NEK6: variants seen among roughly 807,000 people sequenced by gnomAD.
NEK6 encodes the protein serine/threonine-protein kinase Nek6.
NEK6 carries 27 observed loss-of-function variants against 43.5 expected under a neutral mutation model. The ratio of observed to expected loss-of-function variants is 0.62; its 90% CI spans 0.46 to 0.86. The LOEUF is 0.86. NEK6 is among the 40% of genes least tolerant of loss of function. The pLI, the probability that NEK6 is intolerant of heterozygous loss-of-function variation, is 0.00. For missense variants in NEK6, 318 were observed against 414.4 expected, an observed-to-expected ratio of 0.77 and a Z score of 2.02; for synonymous variants, 167 against 164.1, an observed-to-expected ratio of 1.02 and a Z score of -0.14.
At position 124,275,470 on chromosome 9, in the gene NEK6, C is replaced by T. The variant is rs986159220; in HGVS notation, c.-30+17385C>T. On this transcript the variant is annotated intron_variant, in intron 1 of 9. Transcript: ENST00000320246. The surrounding 1 kb of genome is among the most constrained non-coding windows in gnomAD (Gnocchi z 4.4). Reference sequence around the variant, plus strand: ...GCTCCAGCTGCCTGCCCCCGCCTGCCGGGCCCTGTCCTCTGCCAGGCGGAG... The same window carrying T: ...GCTCCAGCTGCCTGCCCCCGCCTGCTGGGCCCTGTCCTCTGCCAGGCGGAG... Among the ~76,000 whole-genome samples the T allele has an allele frequency of 1.2e-4, 18 of 152,208 alleles. No individual in the cohort carries two copies. Among genetic ancestry groups the T allele is most frequent in the African/African-American group, 2.9e-4 (12 of 41,442 alleles).
intron 9 of NEK6, among the ~76,000 whole-genome samples, chr9:124,348,664 C>T (rs1015802384): frequency 2.6e-5 from 4 of 152,192 alleles, no homozygotes; most frequent in Non-Finnish European, 4.4e-5. Flanking sequence ...CACCACCATC[C>T]AAAGTGGCCA....
chr9:124,346,283 GA>G (rs927458441), intron 8 of NEK6, among the ~76,000 whole-genome samples: 5 of 152,190 alleles, frequency 3.3e-5, no homozygotes, highest in African/African-American at 1.2e-4. Context: ...ACGCCCTCCT[GA>G]AGGAGGCAGG....
At chr9:124,337,976 TG>T (rs1158113415) in intron 7 of NEK6, among the ~76,000 whole-genome samples, 4 of 152,230 alleles carry the variant, frequency 2.6e-5, no homozygotes, top group African/African-American at 4.8e-5. Flanking sequence ...TGTGTTTTTT[TG>T]GTTTTGTTTT....
At chr9:124,279,502 C>T (rs1831802126) in intron 1 of NEK6, among the ~76,000 whole-genome samples, 1 of 152,164 alleles carries the variant, frequency 6.6e-6, no homozygotes, top group Non-Finnish European at 1.5e-5. Context: ...GGGGTTTCAC[C>T]ATGTTGGCCA....
chr9:124,321,543 G>A lies in NEK6; in HGVS notation c.379G>A (p.Ala127Thr), dbSNP rs1417581726. 3 of 1,613,220 alleles carry A rather than the reference G, an allele frequency of 1.9e-6. No homozygotes were observed. Among genetic ancestry groups the A allele is most frequent in the Non-Finnish European group, 2.5e-6 (3 of 1,179,142 alleles). ...GAACATTGTGCTGGAGTTGGCTGAC[G>A]CAGGGGACCTCTCGCAGATGATCAA... ...ELNIVLELAD[A>T]GDLSQMIKYF... The change falls in exon 5 of 10, where the codon GCA becomes ACA. Residue 127 changes from alanine to threonine, a missense_variant. By Grantham distance (58) the Ala-to-Thr change is moderately conservative (BLOSUM62 0). Coordinates refer to ENST00000320246, the MANE Select transcript of NEK6 (RefSeq NM_014397.6).
At chr9:124,331,651 G>A (rs1306167228) in intron 7 of NEK6, among the ~76,000 whole-genome samples, 2 of 152,228 alleles carry the variant, frequency 1.3e-5, no homozygotes, top group African/African-American at 2.4e-5. Context: ...GGGCCCCACA[G>A]GGAAGGACAG....
intron 9 of NEK6, 91 bp from the exon 10 acceptor site, chr9:124,350,746 G>C (rs1830224333): frequency 1.2e-6 from 1 of 868,436 alleles, no homozygotes. Flanking sequence ...TTGCTCTGAG[G>C]ATGAAGTGCC....
chr9:124,272,729 A>G (rs951538691), intron 1 of NEK6, among the ~76,000 whole-genome samples: 1 of 152,166 alleles, frequency 6.6e-6, no homozygotes, highest in Non-Finnish European at 1.5e-5. Context: ...CCCTGGTCAC[A>G]TGTGATCGCA....
rs1445510195 is a variant in NEK6, at chr9:124,324,020, C to T, written c.406-2310C>T. 6.6e-6 allele frequency among the ~76,000 whole-genome samples: 1 copy of T among 152,108 alleles called. No homozygotes were observed. Among genetic ancestry groups the T allele is most frequent in the Non-Finnish European group, 1.5e-5 (1 of 67,998 alleles). On this transcript the variant is annotated intron_variant, in intron 5 of 9. Transcript: ENST00000320246. This position sits in a 1 kb window ranked among gnomAD's most constrained non-coding sequence, Gnocchi z 5.3. ...TCACCTGGCATGGTTCCCCCTCCCA[C>T]AGTCCCCACCTCTCTCCCCCCACTG... is the stretch of plus-strand genomic sequence containing the variant.
intron 8 of NEK6, among the ~76,000 whole-genome samples, 197 bp from the exon 9 acceptor site, chr9:124,347,512 G>A (rs1829999136): frequency 6.6e-6 from 1 of 152,218 alleles, no homozygotes; most frequent in African/African-American, 2.4e-5. Context: ...TCCAGTGACA[G>A]AATCAGGGTA....
At chr9:124,293,080 G>T in intron 1 of NEK6, 1 of 1,414,516 alleles carries the variant, frequency 7.1e-7, no homozygotes, top group Non-Finnish European at 9.3e-7. Context: ...AGCGGGCCTG[G>T]GACTCCTAGA....
rs1830305881 is a variant in NEK6 at position 124,352,126 on chromosome 9, T to A, written c.*1179T>A. 6.5e-6 allele frequency: 1 copy of A among 152,698 alleles called. No individual in the cohort carries two copies. Among genetic ancestry groups the A allele is most frequent in the South Asian group, 2.1e-4 (1 of 4,836 alleles). The allele number at this position is 152,698 out of a possible 1,614,324, so 9.5% of individuals were successfully genotyped here. ...GGAAATCATTTGAATTTTGTTTTTG[T>A]ACGTAAAGTTAACCTTCCAATTGTC... On this transcript the variant is annotated 3_prime_UTR_variant, in exon 10 of 10. Transcript: ENST00000320246.
intron 1 of NEK6, among the ~76,000 whole-genome samples, chr9:124,295,264 C>T (rs958507940): frequency 4.6e-5 from 7 of 152,296 alleles, no homozygotes; most frequent in Middle Eastern, 6.8e-3. Context: ...AGAGCTGGGG[C>T]GAGCGTGAGG....
intron 5 of NEK6, among the ~76,000 whole-genome samples, chr9:124,323,369 C>G (rs1208951712): frequency 6.6e-6 from 1 of 152,188 alleles, no homozygotes; most frequent in Non-Finnish European, 1.5e-5. Context: ...TTGCTCCAGG[C>G]TCGGGGTCCA....
intron 1 of NEK6, among the ~76,000 whole-genome samples, chr9:124,283,971 G>A (rs555788100): frequency 6.6e-6 from 1 of 152,266 alleles, no homozygotes; most frequent in African/African-American, 2.4e-5. Flanking sequence ...CCCAGCACTT[G>A]TGTGTCCATT....
upstream of NEK6, chr9:124,257,701 G>C: frequency 6.5e-7 from 1 of 1,533,674 alleles, no homozygotes; most frequent in Non-Finnish European, 8.7e-7. Flanking sequence ...GAGAAGATGG[G>C]GAGACGCCGG....
At chr9:124,297,611 C>T (rs779766458) in intron 1 of NEK6, among the ~76,000 whole-genome samples, 1 of 152,226 alleles carries the variant, frequency 6.6e-6, no homozygotes, top group East Asian at 1.9e-4. Flanking sequence ...ATGTAGGGCC[C>T]TTGCTTGAGG....
At position 124,349,956 on chromosome 9, in the gene NEK6, AG is replaced by A. The variant is rs113620064; in HGVS notation, c.832-879del. ...TCAGCTGAGAGGAGCCCTAGTCTAC[AG>A]GAAGCCCAGGCCCCATCCCTCAGCC... is the stretch of plus-strand genomic sequence containing the variant. On this transcript the variant is annotated intron_variant, in intron 9 of 9. Coordinates refer to ENST00000320246, the MANE Select transcript of NEK6 (RefSeq NM_014397.6). 3.7e-3 allele frequency among the ~76,000 whole-genome samples: 571 copies of A among 152,302 alleles called. 3 individuals carry two copies. Among genetic ancestry groups the A allele is most frequent in the African/African-American group, 0.013 (550 of 41,576 alleles).
intron 2 of NEK6, among the ~76,000 whole-genome samples, chr9:124,305,628 G>T (rs952178499): frequency 2.0e-4 from 31 of 151,520 alleles, no homozygotes; most frequent in Non-Finnish European, 3.1e-4. Context: ...CTGTTTTTTT[G>T]GGGTTTTTTT....
Sources: allele counts gnomAD v4.1 joint callset (sites outside exome capture counted in the v4.1 genomes callset), GRCh38; gene constraint gnomAD v4.1.1; non-coding constraint Gnocchi (gnomAD v3.1); transcripts MANE v1.5; gene names NCBI Gene and HGNC (gene_info 2026-07-23, HGNC 2026-07-21).